The following ASPRV1 variants were observed in gnomAD, a reference collection of about 807,000 sequenced individuals.
ASPRV1 encodes retroviral-like aspartic protease 1.
A neutral mutation model predicts 11.0 loss-of-function variants in ASPRV1; 7 were observed. The observed-to-expected ratio is 0.64, with a 90% CI of 0.36 to 1.20. ASPRV1 has a LOEUF of 1.20. ASPRV1 is among the 50% of genes most tolerant of loss of function. ASPRV1 has a pLI of 0.02. For synonymous variants in ASPRV1, 136 were observed against 138.4 expected, an observed-to-expected ratio of 0.98 and a Z score of 0.12; for missense variants, 299 against 320.0, an observed-to-expected ratio of 0.93 and a Z score of 0.50.
At chr2:70,021,203 T>A in the ASPRV1 span, among the ~76,000 whole-genome samples, 2 of 152,286 alleles carry the variant, frequency 1.3e-5, no homozygotes, top group East Asian at 3.9e-4. Flanking sequence ...ATTCTTTAGG[T>A]TTATCCATGT....
At chr2:70,063,959 T>C in the ASPRV1 span, 1 of 152,272 alleles carries the variant, frequency 6.6e-6, no homozygotes, top group African/African-American at 2.4e-5. Context: ...TGTCTCATCT[T>C]ATCCTTCAGG....
the ASPRV1 span, among the ~76,000 whole-genome samples, chr2:70,011,503 G>C: frequency 6.6e-6 from 1 of 152,168 alleles, no homozygotes; most frequent in Admixed American, 6.5e-5. Context: ...TGAGGGAAGG[G>C]AGGGAGCCAG....
the ASPRV1 span, among the ~76,000 whole-genome samples, chr2:69,990,373 A>G: frequency 6.6e-6 from 1 of 152,072 alleles, no homozygotes; most frequent in East Asian, 1.9e-4. Flanking sequence ...TATTAGAGAT[A>G]GGGTTTCAGC....
chr2:69,942,851 A>T, the ASPRV1 span: 1 of 152,090 alleles, frequency 6.6e-6, no homozygotes, highest in African/African-American at 2.4e-5. Context: ...GCATTTTTAG[A>T]AACTACTACA....
At chr2:70,057,248 A>G in the ASPRV1 span, among the ~76,000 whole-genome samples, 1 of 147,690 alleles carries the variant, frequency 6.8e-6, no homozygotes, top group Non-Finnish European at 1.5e-5. Context: ...TTAAAAAAAA[A>G]GAAAGAAAGA....
the ASPRV1 span, among the ~76,000 whole-genome samples, chr2:69,946,896 A>G: frequency 1.3e-5 from 2 of 152,218 alleles, no homozygotes; most frequent in African/African-American, 4.8e-5. Context: ...CCTACAGGGC[A>G]GTTCCTCTCA....
chr2:70,027,653 G>A, the ASPRV1 span, among the ~76,000 whole-genome samples: 2 of 152,184 alleles, frequency 1.3e-5, no homozygotes, highest in African/African-American at 4.8e-5. Flanking sequence ...GTGATCTCAT[G>A]GAAGTAGAGA....
At chr2:69,998,191 A>AC in the ASPRV1 span, 1 of 151,832 alleles carries the variant, frequency 6.6e-6, no homozygotes, top group Admixed American at 6.6e-5. Context: ...TCTCCACCCA[A>AC]CCTCCCACCA....
the ASPRV1 span, among the ~76,000 whole-genome samples, chr2:70,021,074 T>A: frequency 6.6e-6 from 1 of 152,116 alleles, no homozygotes; most frequent in Non-Finnish European, 1.5e-5. Flanking sequence ...TCACCATTGC[T>A]CCCTCCCCCA....
the ASPRV1 span, chr2:69,937,366 C>T: frequency 6.2e-7 from 1 of 1,611,824 alleles, no homozygotes; most frequent in Non-Finnish European, 8.5e-7. Context: ...GCTCCACCGT[C>T]TCCTCGGAGC....
the ASPRV1 span, chr2:70,045,240 G>A: frequency 3.3e-5 from 5 of 152,318 alleles, no homozygotes; most frequent in East Asian, 9.6e-4. Flanking sequence ...GCGTTGTACA[G>A]ACTTGAGGAG....
the ASPRV1 span, chr2:69,936,872 T>C: frequency 2.3e-6 from 1 of 427,566 alleles, no homozygotes; most frequent in Admixed American, 2.8e-5. Flanking sequence ...AGTGCAGTTT[T>C]CTAGTCCGGA....
At chr2:70,017,068 G>A in the ASPRV1 span, among the ~76,000 whole-genome samples, 1 of 152,078 alleles carries the variant, frequency 6.6e-6, no homozygotes, top group Non-Finnish European at 1.5e-5. Context: ...TCAGATCACT[G>A]CAAGCTCCGC....
chr2:69,988,723 C>T, the ASPRV1 span: 1 of 452,148 alleles, frequency 2.2e-6, no homozygotes, highest in Admixed American at 2.4e-5. Context: ...CAAACAAAAA[C>T]CTTCCCCATG....
At chr2:70,032,134 T>C in the ASPRV1 span, 3 of 152,222 alleles carry the variant, frequency 2.0e-5, no homozygotes, top group African/African-American at 7.2e-5. Context: ...TGTTCTTACC[T>C]AAGAATGGAG....
chr2:70,062,921 T>C, the ASPRV1 span, among the ~76,000 whole-genome samples: 1 of 152,124 alleles, frequency 6.6e-6, no homozygotes, highest in African/African-American at 2.4e-5. Flanking sequence ...CAGTTAGCAG[T>C]CTCAGGGAAA....
the ASPRV1 span, among the ~76,000 whole-genome samples, chr2:70,042,418 C>T: frequency 1.3e-5 from 2 of 152,146 alleles, no homozygotes; most frequent in African/African-American, 4.8e-5. Context: ...AGATAAGTGA[C>T]CTGGCCAGGG....
upstream of ASPRV1, chr2:69,961,716 T>A (rs1488941994): frequency 2.2e-5 from 33 of 1,519,104 alleles, no homozygotes; most frequent in Middle Eastern, 2.4e-4. Flanking sequence ...GCTCCGCCCC[T>A]CCTCACCCCG....
At chr2:70,007,061 G>C in the ASPRV1 span, among the ~76,000 whole-genome samples, 1 of 152,168 alleles carries the variant, frequency 6.6e-6, no homozygotes, top group Admixed American at 6.5e-5. Context: ...CTCTTGGGCT[G>C]CTACAAAGAT....
Sources: allele counts gnomAD v4.1 joint callset (sites outside exome capture counted in the v4.1 genomes callset), GRCh38; gene constraint gnomAD v4.1.1; transcripts MANE v1.5; gene names NCBI Gene and HGNC (gene_info 2026-07-23, HGNC 2026-07-21).